Variants in GTF2H1 observed in about 807,000 individuals in gnomAD.
GTF2H1 encodes the protein BTF2 p62.
In GTF2H1, 16 loss-of-function variants were observed where a neutral mutation model predicts 71.2. The observed-to-expected ratio is 0.22, with a 90% confidence interval of 0.15 to 0.34. The LOEUF (loss-of-function observed/expected upper bound fraction) is 0.34, where lower values mean the gene tolerates loss of function less well. Ranked by LOEUF, GTF2H1 falls within the 10% of genes least tolerant of loss-of-function variation. The pLI is 1.00. For missense variants in GTF2H1, 498 were observed against 648.2 expected (o/e 0.77, Z 2.52); for synonymous variants, 215 against 219.0 (o/e 0.98, Z 0.16).
chr11:18,360,804 T>TTTA, intron 14 of GTF2H1, 97 bp downstream of exon 14: 1 of 692,778 alleles, frequency 1.4e-6, no homozygotes, highest in Non-Finnish European at 2.5e-6. Context: ...GATACTTAAT[T>TTTA]TTCTTTTTTT....
chr11:18,333,394 C>T (rs1864947199), intron 2 of GTF2H1, 166 bp downstream of exon 2: 1 of 501,996 alleles, frequency 2.0e-6, no homozygotes, highest in African/African-American at 2.0e-5. Context: ...GACCTTTTCA[C>T]TTAATAACAG....
intron 11 of GTF2H1, among the ~76,000 whole-genome samples, chr11:18,353,373 A>G (rs1865471265): frequency 6.6e-6 from 1 of 152,198 alleles, no homozygotes; most frequent in Admixed American, 6.5e-5. Context: ...GCCCCAGCCC[A>G]CTACTCGAGT....
chr11:18,347,810 T>A (rs747669624), intron 8 of GTF2H1, 22 bp from the exon 9 acceptor site: 1 of 1,597,030 alleles, frequency 6.3e-7, no homozygotes, highest in Admixed American at 1.8e-5. Context: ...AACGTTAACT[T>A]TTTTTTCCCC....
At chr11:18,344,645 A>G (rs916581317) in intron 7 of GTF2H1, among the ~76,000 whole-genome samples, 4 of 151,754 alleles carry the variant, frequency 2.6e-5, no homozygotes, top group African/African-American at 9.7e-5. Flanking sequence ...AAGGATTATA[A>G]TATAAATCAG....
In GTF2H1 at chr11:18,326,470, C is replaced by A. The variant is rs1390487468; in HGVS notation, c.-16+3730C>A. 2.5e-4 allele frequency among the ~76,000 whole-genome samples: 38 copies of A among 151,122 alleles called. 1 individual carries two copies. The highest frequency in any genetic ancestry group is 2.5e-3 in the Admixed American group (38 of 15,144). ...CCGGGAGGTGGAGGTTGCAGTAAGC[C>A]GAAATGAGGCCACTGCACTCCAGCC... On this transcript the variant is annotated intron_variant, in intron 1 of 14. Transcript: ENST00000265963.
At chr11:18,364,047 T>A (rs1421743380) in intron 14 of GTF2H1, among the ~76,000 whole-genome samples, 3 of 151,454 alleles carry the variant, frequency 2.0e-5, no homozygotes, top group Non-Finnish European at 4.4e-5. Flanking sequence ...GCATCTAGCC[T>A]AGGCAACAAG....
Position 18,333,297 on chromosome 11 carries a change from A to G in GTF2H1, c.154+69A>G. ...TTGCTAGTAATTTTGTAAAGAGATTATATAAATCTTTATTTTATATCAAAA... is the reference window on the plus strand; with the variant it reads ...TTGCTAGTAATTTTGTAAAGAGATTGTATAAATCTTTATTTTATATCAAAA... On this transcript the variant is annotated intron_variant, in intron 2 of 14. Coordinates refer to ENST00000265963, the MANE Select transcript of GTF2H1 (RefSeq NM_005316.4). 4.4e-6 allele frequency: 5 copies of G among 1,126,726 alleles called. No homozygotes were observed. The Middle Eastern group carries it at 9.0e-4, about 203-fold the overall frequency. The allele number at this position is 1,126,726 out of a possible 1,614,324, so 69.8% of individuals were successfully genotyped here. A position where few individuals can be genotyped will look rare whatever the true frequency, so the allele number is the denominator to read the frequency against.
chr11:18,365,840 C>G lies in GTF2H1; in HGVS notation c.1618C>G (p.Gln540Glu). The change falls in exon 15 of 15, where the codon CAG becomes GAG. Residue 540 changes from glutamine to glutamate, a missense_variant. Transcript: ENST00000265963. ...QTAYNKLHTW[Q>E]SRRLMKKT is the part of the protein sequence containing the mutation. ...AGCCTACAACAAGCTCCACACATGGCAGTCACGGCGTCTGATGAAGAAAAC... is the reference window on the plus strand; with the variant it reads ...AGCCTACAACAAGCTCCACACATGGGAGTCACGGCGTCTGATGAAGAAAAC... 2.5e-6 allele frequency: 4 copies of G among 1,613,562 alleles called. No homozygotes were observed. The highest frequency in any genetic ancestry group is 3.4e-6 in the Non-Finnish European group (4 of 1,179,486).
chr11:18,325,566 T>A (rs1864743199), intron 1 of GTF2H1, among the ~76,000 whole-genome samples: 1 of 152,222 alleles, frequency 6.6e-6, no homozygotes, highest in African/African-American at 2.4e-5. Flanking sequence ...GCTTGCAATC[T>A]GTCAGGAGAC....
Position 18,338,182 on chromosome 11 carries a change from G to A in GTF2H1, c.421G>A (p.Glu141Lys). The A allele has an allele frequency of 6.2e-7, 1 of 1,607,254 alleles. No individual in the cohort carries two copies. The highest frequency in any genetic ancestry group is 8.5e-7 in the Non-Finnish European group (1 of 1,173,786). Residue 141 changes from glutamate to lysine, a missense_variant, in exon 4 of 15, where the codon GAA (glutamate) becomes AAA (lysine). Physicochemically the swap from Glu to Lys is moderately conservative, Grantham distance 56 (BLOSUM62 1). Coordinates refer to ENST00000265963, the MANE Select transcript of GTF2H1 (RefSeq NM_005316.4). ...LVVSQVISAE[E>K]FWANRLNVNA... ...TGTGAGTCAAGTGATCAGTGCTGAG[G>A]AATTCTGGGCCAATCGTTTAAATGT... is the stretch of plus-strand genomic sequence containing the variant.
In GTF2H1 at chr11:18,361,409, G is replaced by A. The variant is rs141986144; in HGVS notation, c.1560+702G>A. Among the ~76,000 whole-genome samples the A allele has an allele frequency of 1.7e-3, 265 of 152,212 alleles. 1 individual carries two copies. Among genetic ancestry groups the A allele is most frequent in the African/African-American group, 5.9e-3 (247 of 41,548 alleles). ...TGGCCGGGTGCGGTGGCTCATGCCT[G>A]TAATCCCAGCACATTGAGAGGCCAA... On this transcript the variant is annotated intron_variant, in intron 14 of 14. Transcript: ENST00000265963.
intron 3 of GTF2H1, among the ~76,000 whole-genome samples, chr11:18,337,868 A>G (rs948868564): frequency 1.3e-5 from 2 of 152,170 alleles, no homozygotes; most frequent in Non-Finnish European, 2.9e-5. Flanking sequence ...ATGTCCTCAA[A>G]GGGTTTAATC....
chr11:18,347,570 A>G lies in GTF2H1; in HGVS notation c.838-18A>G. On this transcript the variant is annotated intron_variant, in intron 7 of 14. Coordinates refer to ENST00000265963, the MANE Select transcript of GTF2H1 (RefSeq NM_005316.4). ...GCAGAACCTTTTTAAAAAATTTTTAATCTATTATTTCTCACAGGGCTATGG... is the reference window on the plus strand; with the variant it reads ...GCAGAACCTTTTTAAAAAATTTTTAGTCTATTATTTCTCACAGGGCTATGG... 6.5e-7 allele frequency: 1 copy of G among 1,537,110 alleles called. No homozygotes were observed. Among genetic ancestry groups the G allele is most frequent in the Non-Finnish European group, 8.8e-7 (1 of 1,142,726 alleles).
chr11:18,350,897 CAG>C (rs1262680749), intron 9 of GTF2H1, among the ~76,000 whole-genome samples: 2 of 152,016 alleles, frequency 1.3e-5, no homozygotes, highest in Non-Finnish European at 2.9e-5. Context: ...CAGGGGGTAA[CAG>C]ATTAATAAAA....
At chr11:18,358,762 A>G (rs1865627860) in intron 13 of GTF2H1, 122 bp downstream of exon 13, 1 of 640,568 alleles carries the variant, frequency 1.6e-6, no homozygotes, top group Non-Finnish European at 2.8e-6. Context: ...TTTTGCATAC[A>G]TCGTTTCATG....
At chr11:18,348,667 CTG>C (rs1283713139) in intron 9 of GTF2H1, 4 of 152,256 alleles carry the variant, frequency 2.6e-5, no homozygotes, top group South Asian at 4.1e-4. Flanking sequence ...ATTGATGCAA[CTG>C]TTCATTATTT....
At chr11:18,364,518 C>G (rs1216820831) in intron 14 of GTF2H1, among the ~76,000 whole-genome samples, 4 of 152,134 alleles carry the variant, frequency 2.6e-5, no homozygotes, top group African/African-American at 9.7e-5. Context: ...GAGTTTGAGA[C>G]TATAGTAAAC....
intron 14 of GTF2H1, 104 bp downstream of exon 14, chr11:18,360,811 T>TC: frequency 1.6e-6 from 1 of 622,268 alleles, no homozygotes; most frequent in Non-Finnish European, 2.8e-6. Context: ...AATTTTCTTT[T>TC]TTTTTTTTTT....
At position 18,366,177 on chromosome 11, in the gene GTF2H1, G is replaced by T. The variant is rs1359072169; in HGVS notation, c.*308G>T. On this transcript the variant is annotated 3_prime_UTR_variant, in exon 15 of 15. Transcript: ENST00000265963. ...TATATATTTTAAAAGACTGTTTACT[G>T]CAGTTGCTCAGGAACTGCTTTTGAT... 7.3e-6 allele frequency: 2 copies of T among 274,766 alleles called. No individual in the cohort carries two copies. Among genetic ancestry groups the T allele is most frequent in the African/African-American group, 2.2e-5 (1 of 45,708 alleles). 17.0% of individuals were successfully genotyped at this position (274,766 alleles called of 1,614,324 possible). A position where few individuals can be genotyped will look rare whatever the true frequency, so the allele number is the denominator to read the frequency against.
Sources: allele counts gnomAD v4.1 joint callset (sites outside exome capture counted in the v4.1 genomes callset), GRCh38; gene constraint gnomAD v4.1.1; transcripts MANE v1.5; gene names NCBI Gene and HGNC (gene_info 2026-07-23, HGNC 2026-07-21).